Variants in CNTN6 observed in about 807,000 individuals in gnomAD.
The protein encoded by CNTN6 is contactin-6.
Under a neutral mutation model 122.8 loss-of-function variants are expected in CNTN6, and 137 were observed. The observed-to-expected ratio is 1.12, with a 90% CI of 0.97 to 1.29. CNTN6 has a LOEUF of 1.29. CNTN6 is among the 50% of genes most tolerant of loss of function. The pLI is 0.00. For missense variants in CNTN6, 1,634 were observed against 1,223.4 expected (o/e 1.34, Z -5.01); for synonymous variants, 570 against 426.0 (o/e 1.34, Z -4.16).
At chr3:1,397,367 G>T (rs1361888233) in intron 20 of CNTN6, among the ~76,000 whole-genome samples, 1 of 152,068 alleles carries the variant, frequency 6.6e-6, no homozygotes, top group Admixed American at 6.6e-5. Flanking sequence ...GGAGTTAAAG[G>T]ACAAAAGAAC....
intron 12 of CNTN6, among the ~76,000 whole-genome samples, chr3:1,360,569 C>G (rs1293731929): frequency 6.6e-6 from 1 of 151,830 alleles, no homozygotes; most frequent in Non-Finnish European, 1.5e-5. Context: ...TATACACATT[C>G]TATATATTCT....
At chr3:1,192,121 C>T (rs529427043) in intron 2 of CNTN6, among the ~76,000 whole-genome samples, 1 of 152,184 alleles carries the variant, frequency 6.6e-6, no homozygotes, top group East Asian at 1.9e-4. Flanking sequence ...TGTTAGAAGT[C>T]TCCTAATTTT....
chr3:1,173,169 C>G (rs2093389971), intron 2 of CNTN6: 1 of 454,970 alleles, frequency 2.2e-6, no homozygotes, highest in African/African-American at 2.0e-5. Context: ...AAGGAGAGGA[C>G]ATTTTGAAGG....
chr3:1,320,720 A>T (rs1700727168), intron 7 of CNTN6, among the ~76,000 whole-genome samples: 1 of 151,772 alleles, frequency 6.6e-6, no homozygotes, highest in African/African-American at 2.4e-5. Flanking sequence ...TTTACAATTC[A>T]TTAGTTTAGT....
At chr3:1,134,037 C>T (rs1324793995) in intron 1 of CNTN6, among the ~76,000 whole-genome samples, 3 of 152,050 alleles carry the variant, frequency 2.0e-5, no homozygotes, top group Non-Finnish European at 4.4e-5. Context: ...TACATATATC[C>T]AGGTAGCTAA....
chr3:1,112,760 C>T (rs1316607416), intron 1 of CNTN6, among the ~76,000 whole-genome samples: 1 of 152,120 alleles, frequency 6.6e-6, no homozygotes, highest in African/African-American at 2.4e-5. Context: ...AATTAACCAT[C>T]ACAGACACAA....
At chr3:1,237,416 C>G (rs1412708526) in intron 4 of CNTN6, among the ~76,000 whole-genome samples, 2 of 151,964 alleles carry the variant, frequency 1.3e-5, no homozygotes, top group Non-Finnish European at 2.9e-5. Context: ...AATACCCAAA[C>G]CTAAGAATAA....
intron 4 of CNTN6, among the ~76,000 whole-genome samples, chr3:1,270,853 A>G (rs2095012904): frequency 6.6e-6 from 1 of 152,120 alleles, no homozygotes; most frequent in African/African-American, 2.4e-5. Flanking sequence ...GGTTAAGCGA[A>G]TGCACTCTCG....
intron 2 of CNTN6, among the ~76,000 whole-genome samples, chr3:1,166,728 T>C (rs1218299996): frequency 1.3e-5 from 2 of 152,140 alleles, no homozygotes; most frequent in Admixed American, 1.3e-4. Context: ...TTCATGTCCT[T>C]TGCAGGGACA....
chr3:1,285,499 A>G (rs1410614357), intron 5 of CNTN6, among the ~76,000 whole-genome samples: 3 of 152,236 alleles, frequency 2.0e-5, no homozygotes, highest in Admixed American at 6.5e-5. Flanking sequence ...CTCACCTTAT[A>G]TAAGTAATAT....
intron 4 of CNTN6, among the ~76,000 whole-genome samples, chr3:1,254,953 TG>T (rs2094728651): frequency 6.6e-6 from 1 of 152,114 alleles, no homozygotes; most frequent in African/African-American, 2.4e-5. Flanking sequence ...TTTACATTGG[TG>T]GTCACATATG....
chr3:1,161,536 T>C (rs1170844739), intron 2 of CNTN6, among the ~76,000 whole-genome samples: 4 of 151,844 alleles, frequency 2.6e-5, no homozygotes, highest in African/African-American at 9.7e-5. Flanking sequence ...CATGTGTATA[T>C]ACATATATAT....
intron 16 of CNTN6, 48 bp downstream of exon 16, chr3:1,374,121 A>G: frequency 6.5e-7 from 1 of 1,541,538 alleles, no homozygotes; most frequent in Non-Finnish European, 8.8e-7. Flanking sequence ...CGTATGATAC[A>G]GTTCTTAAAA....
intron 12 of CNTN6, 141 bp downstream of exon 12, chr3:1,352,592 G>A (rs1415304166): frequency 2.1e-5 from 20 of 947,552 alleles, no homozygotes; most frequent in Admixed American, 1.6e-4. Flanking sequence ...ATCCATTCCC[G>A]TACTCATTAA....
chr3:1,228,114 C>T (rs2094308589), intron 4 of CNTN6, 121 bp downstream of exon 4: 4 of 847,894 alleles, frequency 4.7e-6, no homozygotes, highest in South Asian at 2.3e-5. Context: ...ACTTTATGGG[C>T]TTTTGACAAT....
intron 2 of CNTN6, among the ~76,000 whole-genome samples, chr3:1,220,034 A>T (rs76814393): frequency 0.23 from 34,761 of 151,342 alleles, 4,791 homozygotes; most frequent in African/African-American, 0.38. Context: ...AAGAAAAAAA[A>T]TATCAACTGG....
chr3:1,253,906 C>G lies in CNTN6; in HGVS notation c.359-24507C>G, dbSNP rs530058189. 2.0e-5 allele frequency among the ~76,000 whole-genome samples: 3 copies of G among 152,194 alleles called. No individual in the cohort carries two copies. The South Asian group carries it at 6.2e-4, about 32-fold the overall frequency. ...CTTTGTCTCTCTTTATCCAAAACAA[C>G]CATAAGTCTATTATATAAAAATAAT... On this transcript the variant is annotated intron_variant, in intron 4 of 22. Coordinates refer to ENST00000446702, the MANE Select transcript of CNTN6 (RefSeq NM_001289080.2).
intron 12 of CNTN6, among the ~76,000 whole-genome samples, chr3:1,365,097 G>A (rs1708025533): frequency 6.6e-6 from 1 of 151,762 alleles, no homozygotes; most frequent in Admixed American, 6.6e-5. Context: ...TTTTATTATT[G>A]AAAATTGCAA....
chr3:1,161,835 GTAGA>G (rs2093141542), intron 2 of CNTN6, among the ~76,000 whole-genome samples: 1 of 151,530 alleles, frequency 6.6e-6, no homozygotes, highest in African/African-American at 2.4e-5. Context: ...GTATATGTGT[GTAGA>G]TATATATTTT....
Sources: gnomAD v4.1 joint callset for allele counts (sites outside exome capture counted in the v4.1 genomes callset) on GRCh38, gnomAD v4.1.1 for gene constraint, MANE v1.5 for transcripts, NCBI Gene and HGNC (gene_info 2026-07-23, HGNC 2026-07-21) for gene names.